PCDHGA9: variants seen among roughly 807,000 people sequenced by gnomAD.
The protein encoded by PCDHGA9 is protocadherin gamma subfamily A, 9.
PCDHGA9 carries 37 observed loss-of-function variants against 62.5 expected under a neutral mutation model. That is an observed-to-expected ratio of 0.59 (90% CI 0.46 to 0.78). The LOEUF is 0.78. PCDHGA9 is among the 30% of genes least tolerant of loss of function. The pLI is 0.00. For missense variants in PCDHGA9, 1,138 were observed against 1,166.2 expected (o/e 0.98, Z 0.35); for synonymous variants, 459 against 484.6 (o/e 0.95, Z 0.69).
At chr5:141,506,278 G>A (rs1001662623) in intron 3 of PCDHGA9, among the ~76,000 whole-genome samples, 1 of 152,090 alleles carries the variant, frequency 6.6e-6, no homozygotes. Flanking sequence ...GTGAAACCCT[G>A]TCTCTACTAA....
At chr5:141,416,859 G>C (rs1411419006) in intron 1 of PCDHGA9, 1 of 151,936 alleles carries the variant, frequency 6.6e-6, no homozygotes, top group African/African-American at 2.4e-5. Context: ...ATTTTTTTCA[G>C]GTCAGTCAAC....
chr5:141,465,629 C>A (rs1048373153), intron 1 of PCDHGA9, among the ~76,000 whole-genome samples: 1 of 152,204 alleles, frequency 6.6e-6, no homozygotes, highest in Non-Finnish European at 1.5e-5. Flanking sequence ...AGTCAACCAG[C>A]AAAATGCTTT....
chr5:141,417,644 AG>A, intron 1 of PCDHGA9: 1 of 779,202 alleles, frequency 1.3e-6, no homozygotes, highest in South Asian at 2.1e-5. Flanking sequence ...GGGATCCCTC[AG>A]CCTCTAGCCT....
chr5:141,426,307 A>G (rs958090236), intron 1 of PCDHGA9: 2 of 172,782 alleles, frequency 1.2e-5, no homozygotes, highest in African/African-American at 4.7e-5. Context: ...GGTGAAGCAG[A>G]GAAGCAGGAC....
intron 1 of PCDHGA9, among the ~76,000 whole-genome samples, chr5:141,467,332 C>T (rs985838492): frequency 6.6e-6 from 1 of 152,124 alleles, no homozygotes; most frequent in Non-Finnish European, 1.5e-5. Context: ...GGATTAGAGA[C>T]GTAAGCCACT....
chr5:141,439,364 G>A (rs1561894836), intron 1 of PCDHGA9, among the ~76,000 whole-genome samples: 2 of 152,142 alleles, frequency 1.3e-5, no homozygotes, highest in Admixed American at 1.3e-4. Context: ...CAAACATCAA[G>A]AAGAAATAAA....
Position 141,410,515 on chromosome 5 carries a change from G to A in PCDHGA9, c.2424+5139G>A, listed in dbSNP as rs373451539. The A allele has an allele frequency of 1.9e-6, 3 of 1,613,828 alleles. No homozygotes were observed. The African/African-American group carries it at 4.0e-5, about 22-fold the overall frequency. On this transcript the variant is annotated intron_variant, in intron 1 of 3. Coordinates refer to ENST00000573521, the MANE Select transcript of PCDHGA9 (RefSeq NM_018921.3). ...AGTTTAATTTCCTAAAATGCAGTGT[G>A]CCCCTACATTCCAATGAAGACATGG...
At chr5:141,484,451 T>G (rs2099596635) in intron 1 of PCDHGA9, among the ~76,000 whole-genome samples, 2 of 152,264 alleles carry the variant, frequency 1.3e-5, no homozygotes, top group South Asian at 4.1e-4. Flanking sequence ...TTTAATTGGC[T>G]ACGTTAATGT....
At position 141,509,907 on chromosome 5, in the gene PCDHGA9, C is replaced by G. The variant is rs149338646; in HGVS notation, c.2573-1040C>G. Among the ~76,000 whole-genome samples, 567 of 152,300 alleles carry G rather than the reference C, an allele frequency of 3.7e-3. 5 individuals carry two copies. Among genetic ancestry groups the G allele is most frequent in the Admixed American group, 0.011 (163 of 15,296 alleles). ...GTGACTGACTGTCCCTTCCAGCATGCGCTTAGGTACACTTGGGCCTGAATG... is the reference window on the plus strand; with the variant it reads ...GTGACTGACTGTCCCTTCCAGCATGGGCTTAGGTACACTTGGGCCTGAATG... On this transcript the variant is annotated intron_variant, in intron 3 of 3. Coordinates refer to ENST00000573521, the MANE Select transcript of PCDHGA9 (RefSeq NM_018921.3).
At chr5:141,423,874 A>T (rs1264795133) in intron 1 of PCDHGA9, 2 of 1,283,268 alleles carry the variant, frequency 1.6e-6, no homozygotes, top group African/African-American at 3.1e-5. Flanking sequence ...GTCATTTTTC[A>T]ATCTTGGCAT....
intron 1 of PCDHGA9, chr5:141,419,427 A>C: frequency 1.2e-6 from 2 of 1,613,290 alleles, no homozygotes; most frequent in Non-Finnish European, 1.7e-6. Context: ...TTCGACCACG[A>C]GCAGCTGCGC....
chr5:141,421,541 T>A (rs1235004908), intron 1 of PCDHGA9: 9 of 1,613,912 alleles, frequency 5.6e-6, no homozygotes, highest in African/African-American at 1.3e-5. Flanking sequence ...TCCTGTTTTT[T>A]AAATATGGAA....
chr5:141,404,103 G>C lies in PCDHGA9; in HGVS notation c.1151G>C (p.Cys384Ser), dbSNP rs773489391. 14 of 1,613,372 alleles carry C rather than the reference G, an allele frequency of 8.7e-6. No homozygotes were observed. In the East Asian group the frequency reaches 2.9e-4, roughly 33 times the overall value. Residue 384 changes from cysteine (C) to serine (S), a missense_variant, in exon 1 of 4, where the codon TGT (cysteine) becomes TCT (serine). Physicochemically the swap from Cys to Ser is moderately radical, Grantham distance 112. Transcript: ENST00000573521. Reference protein sequence around the residue: ...RDSGKNGQVVCSIQENLSFTL... With the variant: ...RDSGKNGQVVSSIQENLSFTL... ...TCCGGGAAGAATGGTCAAGTTGTCT[G>C]TTCTATCCAGGAGAATCTATCTTTT...
intron 2 of PCDHGA9, among the ~76,000 whole-genome samples, chr5:141,500,259 A>G (rs1595658540): frequency 6.6e-6 from 1 of 151,044 alleles, no homozygotes; most frequent in East Asian, 2.0e-4. Context: ...CCCAGGCTGG[A>G]CTGCAGTGGC....
At chr5:141,414,919 G>A (rs2095801962) in intron 1 of PCDHGA9, 2 of 1,614,050 alleles carry the variant, frequency 1.2e-6, no homozygotes, top group African/African-American at 2.7e-5. Context: ...CGTGGAGCTG[G>A]CGCCCCGCTC....
At chr5:141,436,239 G>T (rs1426798903) in intron 1 of PCDHGA9, among the ~76,000 whole-genome samples, 2 of 152,012 alleles carry the variant, frequency 1.3e-5, no homozygotes, top group South Asian at 2.1e-4. Flanking sequence ...AAGCTAACAT[G>T]GTCTAATTAT....
chr5:141,507,937 A>T (rs2154594220), intron 3 of PCDHGA9: 1 of 152,420 alleles, frequency 6.6e-6, no homozygotes, highest in Admixed American at 6.5e-5. Context: ...AGAGGGGTTA[A>T]GTAAGAGGGA....
Position 141,485,193 on chromosome 5 carries a change from G to C in PCDHGA9, c.2425-9614G>C. 1 of 1,613,988 alleles carries C rather than the reference G, an allele frequency of 6.2e-7. No individual in the cohort carries two copies. Among genetic ancestry groups the C allele is most frequent in the Non-Finnish European group, 8.5e-7 (1 of 1,179,852 alleles). On this transcript the variant is annotated intron_variant, in intron 1 of 3. Transcript: ENST00000573521. This position sits in a 1 kb window ranked among gnomAD's most constrained non-coding sequence, Gnocchi z 5.7. ...GCAGCAATGCTCCGCAAGGTGAGAA[G>C]CTGGACAGAAATCTGGCGGTGGGCT...
At chr5:141,406,312 C>G (rs2094792276) in intron 1 of PCDHGA9, among the ~76,000 whole-genome samples, 1 of 152,028 alleles carries the variant, frequency 6.6e-6, no homozygotes, top group African/African-American at 2.4e-5. Context: ...CCACCTCACC[C>G]AGCAAATTCT....
Sources: allele counts gnomAD v4.1 joint callset (sites outside exome capture counted in the v4.1 genomes callset), GRCh38; gene constraint gnomAD v4.1.1; non-coding constraint Gnocchi (gnomAD v3.1); transcripts MANE v1.5; gene names NCBI Gene and HGNC (gene_info 2026-07-23, HGNC 2026-07-21).